Variants in ATXN1 observed in about 807,000 individuals in gnomAD.
ATXN1 encodes ataxin-1.
A neutral mutation model predicts 56.4 loss-of-function variants in ATXN1; 8 were observed. The ratio of observed to expected loss-of-function variants is 0.14; its 90% CI spans 0.08 to 0.26. ATXN1 has a LOEUF of 0.26. Ranked by LOEUF, ATXN1 falls within the 10% of genes least tolerant of loss-of-function variation. ATXN1 has a pLI of 1.00. For synonymous variants in ATXN1, 514 were observed against 494.6 expected (o/e 1.04, Z -0.52); for missense variants, 987 against 1,106.5 (o/e 0.89, Z 1.53).
chr6:16,368,984 C>G (rs771578177), intron 6 of ATXN1, among the ~76,000 whole-genome samples: 1 of 152,140 alleles, frequency 6.6e-6, no homozygotes, highest in Non-Finnish European at 1.5e-5. Flanking sequence ...CAGAATAATA[C>G]TGAAACACTC....
At chr6:16,535,394 A>G (rs1373741716) in intron 4 of ATXN1, among the ~76,000 whole-genome samples, 3 of 152,178 alleles carry the variant, frequency 2.0e-5, no homozygotes, top group African/African-American at 7.2e-5. Context: ...AAATAGATAA[A>G]TCAATACCCC....
chr6:16,586,214 G>A lies in ATXN1; in HGVS notation c.-488-307C>T, dbSNP rs568946298. 7.2e-5 allele frequency among the ~76,000 whole-genome samples: 11 copies of A among 152,170 alleles called. No homozygotes were observed. The South Asian group carries it at 1.5e-3, about 20-fold the overall frequency. ...CCACTATCAAAATAATCCCGTTCCT[G>A]CCCCTCCTTCCCTGCTCAATGATTC... On this transcript the variant is annotated intron_variant, in intron 3 of 7. Transcript: ENST00000436367.
At chr6:16,637,317 A>G (rs575595360) in intron 3 of ATXN1, among the ~76,000 whole-genome samples, 40 of 135,570 alleles carry the variant, frequency 3.0e-4, no homozygotes, top group African/African-American at 1.0e-3. Context: ...GGTCACAGGA[A>G]GGGGAACATC....
rs2113679446 is a variant in ATXN1 at position 16,506,237 on chromosome 6, C to T, written c.-299+16390G>A. 6.6e-6 allele frequency among the ~76,000 whole-genome samples: 1 copy of T among 152,292 alleles called. No individual in the cohort carries two copies. Among genetic ancestry groups the T allele is most frequent in the East Asian group, 1.9e-4 (1 of 5,186 alleles). ...CATTTGTTCACATGATGTGACTCAT[C>T]ATTTGGGTGACATGGAGCAGGCAGC... is the stretch of plus-strand genomic sequence containing the variant. On this transcript the variant is annotated intron_variant, in intron 5 of 7. Coordinates refer to ENST00000436367, the MANE Select transcript of ATXN1 (RefSeq NM_001128164.2). This position sits in a 1 kb window ranked among gnomAD's most constrained non-coding sequence, Gnocchi z 4.1.
chr6:16,535,771 C>T (rs1761585743), intron 4 of ATXN1, among the ~76,000 whole-genome samples: 1 of 152,110 alleles, frequency 6.6e-6, no homozygotes, highest in Non-Finnish European at 1.5e-5. Context: ...CAAAGAGTAA[C>T]TTTAAAGTTG....
At chr6:16,540,492 A>T (rs1323655796) in intron 4 of ATXN1, among the ~76,000 whole-genome samples, 1 of 152,150 alleles carries the variant, frequency 6.6e-6, no homozygotes, top group African/African-American at 2.4e-5. Flanking sequence ...GATTACAGGC[A>T]TGAGCCACTG....
chr6:16,353,814 G>A (rs1158761895), intron 6 of ATXN1, among the ~76,000 whole-genome samples: 2 of 152,244 alleles, frequency 1.3e-5, no homozygotes, highest in African/African-American at 4.8e-5. Flanking sequence ...AATCGTGCAT[G>A]AGGACATTAC....
At chr6:16,397,312 C>A (rs1237284818) in intron 6 of ATXN1, among the ~76,000 whole-genome samples, 1 of 152,024 alleles carries the variant, frequency 6.6e-6, no homozygotes, top group Non-Finnish European at 1.5e-5. Context: ...GTTCTGTCAT[C>A]CAGGCTGGAG....
chr6:16,440,152 T>C (rs1199938204), intron 6 of ATXN1, among the ~76,000 whole-genome samples: 1 of 150,292 alleles, frequency 6.7e-6, no homozygotes, highest in African/African-American at 2.4e-5. Flanking sequence ...GAGGTCTAAA[T>C]GGGTGGATCG....
intron 2 of ATXN1, among the ~76,000 whole-genome samples, chr6:16,721,915 T>C (rs1759753315): frequency 6.6e-6 from 1 of 152,158 alleles, no homozygotes; most frequent in Non-Finnish European, 1.5e-5. Flanking sequence ...AAAACCCACA[T>C]ACACAGAATG....
At position 16,761,335 on chromosome 6, in the gene ATXN1, G is replaced by C. The variant is rs577227193; in HGVS notation, c.-767C>G. On this transcript the variant is annotated 5_prime_UTR_variant, in exon 1 of 8. Transcript: ENST00000436367. ...ATGGATCTGGGGTTGCGTGGGGAAG[G>C]GGGGGCAGAGGGAGAGAAACAATGT... The C allele has an allele frequency of 1.5e-5, 7 of 456,436 alleles. No individual in the cohort carries two copies. The highest frequency in any genetic ancestry group is 3.3e-4 in the Middle Eastern group (1 of 3,076). 28.3% of individuals were successfully genotyped at this position (456,436 alleles called of 1,614,324 possible). A position where few individuals can be genotyped will look rare whatever the true frequency, so the allele number is the denominator to read the frequency against.
chr6:16,656,383 G>A (rs1758201921), intron 3 of ATXN1, among the ~76,000 whole-genome samples: 1 of 152,166 alleles, frequency 6.6e-6, no homozygotes. Flanking sequence ...CATCTTTAAA[G>A]GCAAGTCGTT....
In ATXN1 at chr6:16,689,352, T is replaced by C. The variant is rs112988232; in HGVS notation, c.-614-31451A>G. Among the ~76,000 whole-genome samples the C allele has an allele frequency of 2.4e-3, 361 of 152,140 alleles. 1 individual carries two copies. The highest frequency in any genetic ancestry group is 8.3e-3 in the African/African-American group (344 of 41,516). On this transcript the variant is annotated intron_variant, in intron 2 of 7. Coordinates refer to ENST00000436367, the MANE Select transcript of ATXN1 (RefSeq NM_001128164.2). ...CTTTTGAGACAGGGTATCACTCTCT[T>C]GCTCAGGCTAGAGCGCAGTGGCATG...
chr6:16,718,211 T>G (rs1160743124), intron 2 of ATXN1, among the ~76,000 whole-genome samples: 1 of 152,234 alleles, frequency 6.6e-6, no homozygotes, highest in East Asian at 1.9e-4. Context: ...AAAGGCTCAG[T>G]GTATAGAAGT....
intron 5 of ATXN1, among the ~76,000 whole-genome samples, chr6:16,511,518 C>G (rs1245909018): frequency 6.6e-6 from 1 of 152,110 alleles, no homozygotes; most frequent in Non-Finnish European, 1.5e-5. Flanking sequence ...TTCAGGGTGC[C>G]CGATTTCCAT....
Position 16,479,976 on chromosome 6 carries a change from A to C in ATXN1, c.-161+5996T>G, listed in dbSNP as rs1039175175. ...AGATCAGCCTGGCCAACATGGTGAA[A>C]CCTTGTCTCTACAAAAAATACAAAA... On this transcript the variant is annotated intron_variant, in intron 6 of 7. Transcript: ENST00000436367. Among the ~76,000 whole-genome samples, 3 of 152,140 alleles carry C rather than the reference A, an allele frequency of 2.0e-5. No individual in the cohort carries two copies. In the South Asian group the frequency reaches 6.2e-4, roughly 32 times the overall value.
intron 6 of ATXN1, among the ~76,000 whole-genome samples, chr6:16,358,866 C>T (rs1234540594): frequency 6.6e-6 from 1 of 152,216 alleles, no homozygotes; most frequent in Non-Finnish European, 1.5e-5. Flanking sequence ...CTGCCGCACC[C>T]ACGGCTGCAG....
intron 4 of ATXN1, among the ~76,000 whole-genome samples, chr6:16,572,568 G>A (rs1004385217): frequency 6.6e-6 from 1 of 152,096 alleles, no homozygotes; most frequent in African/African-American, 2.4e-5. Flanking sequence ...TTATTCTTGA[G>A]TAATAAGTGG....
chr6:16,510,957 C>T (rs779912212), intron 5 of ATXN1, among the ~76,000 whole-genome samples: 1 of 152,166 alleles, frequency 6.6e-6, no homozygotes, highest in Non-Finnish European at 1.5e-5. Context: ...TTAATGAAAT[C>T]GGTTGGCTGT....
Sources: allele counts gnomAD v4.1 joint callset (sites outside exome capture counted in the v4.1 genomes callset), GRCh38; gene constraint gnomAD v4.1.1; non-coding constraint Gnocchi (gnomAD v3.1); transcripts MANE v1.5; gene names NCBI Gene and HGNC (gene_info 2026-07-23, HGNC 2026-07-21).